CALCOCO2: variants seen among roughly 807,000 people sequenced by gnomAD.
CALCOCO2 encodes the protein calcium-binding and coiled-coil domain-containing protein 2.
CALCOCO2 carries 42 observed loss-of-function variants against 62.5 expected under a neutral mutation model. That is an observed-to-expected ratio of 0.67 (90% confidence interval 0.53 to 0.87). The LOEUF (loss-of-function observed/expected upper bound fraction) is 0.87. CALCOCO2 is among the 40% of genes least tolerant of loss of function. CALCOCO2 has a pLI of 0.00. For synonymous variants in CALCOCO2, 167 were observed against 173.0 expected, an observed-to-expected ratio of 0.97 and a Z score of 0.27; for missense variants, 456 against 515.0, an observed-to-expected ratio of 0.89 and a Z score of 1.11.
At chr17:48,858,705 C>A (rs1161675274) in intron 10 of CALCOCO2, among the ~76,000 whole-genome samples, 1 of 151,318 alleles carries the variant, frequency 6.6e-6, no homozygotes, top group East Asian at 1.9e-4. Context: ...TGGGGGGGGG[C>A]AGGTGCACAC....
chr17:48,858,039 G>GAAAAGAA lies in CALCOCO2; in HGVS notation c.1008+1854_1008+1855insAAGAAAA, dbSNP rs1251403784. Reference sequence around the variant, plus strand: ...GAATAGAATAGAATAGAATAGAATAGAATAGAAAATAGAATAGAATAGAAT... The same window carrying GAAAAGAA: ...GAATAGAATAGAATAGAATAGAATAGAAAAGAAAATAGAAAATAGAATAGAATAGAAT... On this transcript the variant is annotated intron_variant, in intron 10 of 12. Coordinates refer to ENST00000258947, the MANE Select transcript of CALCOCO2 (RefSeq NM_005831.5). Among the ~76,000 whole-genome samples the GAAAAGAA allele has an allele frequency of 1.4e-4, 3 of 21,646 alleles. No individual in the cohort carries two copies. The East Asian group carries it at 3.4e-3, about 24-fold the overall frequency. The allele number at this position is 21,646 out of a possible 152,430, so 14.2% of individuals were successfully genotyped here. A position where few individuals can be genotyped will look rare whatever the true frequency, so the allele number is the denominator to read the frequency against.
intron 1 of CALCOCO2, among the ~76,000 whole-genome samples, chr17:48,837,346 G>A (rs950319123): frequency 1.3e-5 from 2 of 151,870 alleles, no homozygotes; most frequent in Non-Finnish European, 2.9e-5. Flanking sequence ...TTCCCCCACC[G>A]TTGAAAAACT....
Position 48,864,416 on chromosome 17 carries a change from A to G in CALCOCO2, c.*1411A>G, listed in dbSNP as rs1445235321. 6.5e-6 allele frequency: 1 copy of G among 154,292 alleles called. No individual in the cohort carries two copies. The highest frequency in any genetic ancestry group is 2.0e-4 in the South Asian group (1 of 4,916). The allele number at this position is 154,292 out of a possible 1,614,324, so 9.6% of individuals were successfully genotyped here. A position where few individuals can be genotyped will look rare whatever the true frequency, so the allele number is the denominator to read the frequency against. ...TCCATGCATTTTTTTTAAAAGGAGC[A>G]GTGTGGATTTTCGCACCCTTTGTGA... On this transcript the variant is annotated 3_prime_UTR_variant, in exon 13 of 13. Coordinates refer to ENST00000258947, the MANE Select transcript of CALCOCO2 (RefSeq NM_005831.5).
At position 48,838,739 on chromosome 17, in the gene CALCOCO2, T is replaced by C. The variant is rs115684520; in HGVS notation, c.-10-2959T>C. Among the ~76,000 whole-genome samples, 845 of 152,096 alleles carry C rather than the reference T, an allele frequency of 5.6e-3. 5 individuals are homozygous for C. Among genetic ancestry groups the C allele is most frequent in the African/African-American group, 0.02 (813 of 41,506 alleles). On this transcript the variant is annotated intron_variant, in intron 1 of 12. Transcript: ENST00000258947. ...AAAAAATATATATATATATAACAAT[T>C]ACATGTGTGCCTGTATGTGTACACA...
intron 1 of CALCOCO2, among the ~76,000 whole-genome samples, chr17:48,838,722 T>C (rs2039932097): frequency 6.6e-6 from 1 of 151,908 alleles, no homozygotes; most frequent in Non-Finnish European, 1.5e-5. Context: ...TTAAAAAATA[T>C]ATATATATAT....
intron 10 of CALCOCO2, among the ~76,000 whole-genome samples, chr17:48,856,783 T>C (rs986991634): frequency 4.6e-5 from 7 of 151,932 alleles, no homozygotes; most frequent in South Asian, 4.1e-4. Context: ...CTTTTCTTTT[T>C]TTTTTTTTTC....
chr17:48,857,801 C>A (rs1209821815), intron 10 of CALCOCO2, among the ~76,000 whole-genome samples: 1 of 145,088 alleles, frequency 6.9e-6, no homozygotes, highest in African/African-American at 2.5e-5. Context: ...AGTGAAACCC[C>A]GTCTCTACTA....
At chr17:48,844,604 C>A (rs930622466) in intron 2 of CALCOCO2, among the ~76,000 whole-genome samples, 9 of 151,908 alleles carry the variant, frequency 5.9e-5, no homozygotes, top group African/African-American at 2.2e-4. Context: ...ACAGGCACCC[C>A]GCCTCCCCAG....
chr17:48,846,192 AG>A, intron 2 of CALCOCO2: 2 of 640,622 alleles, frequency 3.1e-6, no homozygotes, highest in Non-Finnish European at 5.1e-6. Flanking sequence ...GCTGGAGTGC[AG>A]AGGTGCAATC....
chr17:48,848,815 C>T (rs1488027996), intron 4 of CALCOCO2: 1 of 491,742 alleles, frequency 2.0e-6, no homozygotes, highest in African/African-American at 1.9e-5. Context: ...GGCCTACAGC[C>T]TGTCTGTCAT....
Position 48,862,916 on chromosome 17 carries a change from C to G in CALCOCO2, c.1252C>G (p.Leu418Val), listed in dbSNP as rs761030841. Reference sequence around the variant, plus strand: ...CTTGGAGCAACAGCAGATGCAGCCCCTTTGTTTCAATTGTCCAATTTGTGA... The same window carrying G: ...CTTGGAGCAACAGCAGATGCAGCCCGTTTGTTTCAATTGTCCAATTTGTGA... ...HTLEQQQMQP[L>V]CFNCPICDKI... The change falls in exon 13 of 13, where the codon CTT becomes GTT. Residue 418 changes from leucine to valine, a missense_variant. Physicochemically the swap from Leu to Val is conservative, Grantham distance 32 (BLOSUM62 1). Transcript: ENST00000258947. 6.2e-7 allele frequency: 1 copy of G among 1,613,870 alleles called. No homozygotes were observed. The highest frequency in any genetic ancestry group is 1.7e-5 in the Admixed American group (1 of 60,022).
At position 48,863,305 on chromosome 17, in the gene CALCOCO2, A is replaced by C; in HGVS notation, c.*300A>C. 1 of 364,556 alleles carries C rather than the reference A, an allele frequency of 2.7e-6. No homozygotes were observed. The allele number at this position is 364,556 out of a possible 1,614,324, so 22.6% of individuals were successfully genotyped here. Reference sequence around the variant, plus strand: ...TGGGATGGAGCCAACCTGGGTATTCACAACAGGCCTGACTTGATACTAAGT... The same window carrying C: ...TGGGATGGAGCCAACCTGGGTATTCCCAACAGGCCTGACTTGATACTAAGT... On this transcript the variant is annotated 3_prime_UTR_variant, in exon 13 of 13. Coordinates refer to ENST00000258947, the MANE Select transcript of CALCOCO2 (RefSeq NM_005831.5).
intron 5 of CALCOCO2, chr17:48,850,874 C>T (rs558101605): frequency 5.0e-4 from 155 of 311,742 alleles, no homozygotes; most frequent in African/African-American, 3.0e-3. Context: ...GCCAAGACTG[C>T]GCCACTGCAC....
rs1006736989 is a variant in CALCOCO2, at chr17:48,863,648, T to C, written c.*643T>C. On this transcript the variant is annotated 3_prime_UTR_variant, in exon 13 of 13. Transcript: ENST00000258947. ...TTCTGGGTACCTCTGGTTAGCACTTTCTACTCTCTGATATTTCCTATGTAC... is the reference window on the plus strand; with the variant it reads ...TTCTGGGTACCTCTGGTTAGCACTTCCTACTCTCTGATATTTCCTATGTAC... The C allele has an allele frequency of 6.5e-6, 1 of 153,928 alleles. No individual in the cohort carries two copies. Among genetic ancestry groups the C allele is most frequent in the African/African-American group, 2.4e-5 (1 of 41,468 alleles). The allele number at this position is 153,928 out of a possible 1,614,324, so 9.5% of individuals were successfully genotyped here.
intron 12 of CALCOCO2, 70 bp downstream of exon 12, chr17:48,862,374 G>T (rs1392159701): frequency 9.6e-7 from 1 of 1,047,048 alleles, no homozygotes; most frequent in Non-Finnish European, 1.5e-6. Flanking sequence ...CCAGTTCATG[G>T]GAGAACCATA....
chr17:48,858,061 G>T (rs568809406), intron 10 of CALCOCO2, among the ~76,000 whole-genome samples: 1 of 139,364 alleles, frequency 7.2e-6, no homozygotes, highest in East Asian at 2.0e-4. Flanking sequence ...GAATAGAATA[G>T]AATAGAATAG....
rs1164401096 is a variant in CALCOCO2 at position 48,838,168 on chromosome 17, C to G, written c.-10-3530C>G. On this transcript the variant is annotated intron_variant, in intron 1 of 12. Transcript: ENST00000258947. ...GGGGTATGCGTGAGAGGGTCGTGAT[C>G]AATTGAGCAAGCAGGGGGTACATGA... Among the ~76,000 whole-genome samples the G allele has an allele frequency of 2.6e-5, 4 of 151,934 alleles. No individual in the cohort carries two copies. In the East Asian group the frequency reaches 7.8e-4, roughly 29 times the overall value.
chr17:48,858,300 T>C (rs528078193), intron 10 of CALCOCO2, among the ~76,000 whole-genome samples: 1 of 152,102 alleles, frequency 6.6e-6, no homozygotes, highest in East Asian at 1.9e-4. Context: ...GTTATTCCCA[T>C]TCTCTCTTTT....
At chr17:48,839,933 C>G (rs145430653) in intron 1 of CALCOCO2, among the ~76,000 whole-genome samples, 10 of 152,104 alleles carry the variant, frequency 6.6e-5, no homozygotes, top group Admixed American at 3.3e-4. Context: ...CCTCAGCTTC[C>G]CAAAGTGCTG....
Sources: allele counts gnomAD v4.1 joint callset (sites outside exome capture counted in the v4.1 genomes callset), GRCh38; gene constraint gnomAD v4.1.1; transcripts MANE v1.5; gene names NCBI Gene and HGNC (gene_info 2026-07-23, HGNC 2026-07-21).